The following APBA3 variants were observed in gnomAD, a reference collection of about 807,000 sequenced individuals.
APBA3 encodes the protein amyloid beta precursor protein binding family A member 3, also known as amyloid-beta A4 precursor protein-binding family A member 3.
A neutral mutation model predicts 55.9 loss-of-function variants in APBA3; 45 were observed. The observed-to-expected ratio is 0.80, with a 90% confidence interval of 0.63 to 1.03. APBA3 has a LOEUF of 1.03. APBA3 is among the 50% of genes least tolerant of loss of function. APBA3 has a pLI of 0.00. For synonymous variants in APBA3, 370 were observed against 353.3 expected (o/e 1.05, Z -0.53); for missense variants, 865 against 820.3 (o/e 1.05, Z -0.67).
rs373218431 is a variant in APBA3, at chr19:3,751,247, C to T, written c.1598G>A (p.Ser533Asn). ...GHRIIEINGQSVVATPHARII... is the reference protein window; with the variant it reads ...GHRIIEINGQNVVATPHARII... ...GCGGGCGTGTGGCGTGGCCACCACACTCTGCCCATTGATCTCAATGATGCG... is the reference window on the plus strand; with the variant it reads ...GCGGGCGTGTGGCGTGGCCACCACATTCTGCCCATTGATCTCAATGATGCG... Residue 533 changes from serine to asparagine, a missense_variant, in exon 10 of 11, where the codon AGT (serine) becomes AAT (asparagine). Ser to Asn is a conservative substitution (Grantham distance 46). Transcript: ENST00000316757. 2 of 1,547,402 alleles carry T rather than the reference C, an allele frequency of 1.3e-6. No homozygotes were observed. The highest frequency in any genetic ancestry group is 1.7e-6 in the Non-Finnish European group (2 of 1,148,124).
At chr19:3,756,917 A>G (rs2037085050) in intron 3 of APBA3, among the ~76,000 whole-genome samples, 1 of 152,148 alleles carries the variant, frequency 6.6e-6, no homozygotes, top group Non-Finnish European at 1.5e-5. Flanking sequence ...TGGTTCTAGA[A>G]TTCTCCAGTC....
At chr19:3,758,216 G>A (rs767302450) in intron 3 of APBA3, among the ~76,000 whole-genome samples, 1 of 152,002 alleles carries the variant, frequency 6.6e-6, no homozygotes, top group African/African-American at 2.4e-5. Flanking sequence ...TTATAGGCGT[G>A]AGCCACCGCG....
Position 3,755,566 on chromosome 19 carries a change from G to GA in APBA3, c.617-1227_617-1226insT, listed in dbSNP as rs1555743096. The GA allele has an allele frequency of 1.4e-5, 2 of 141,504 alleles. 1 individual carries two copies. The highest frequency in any genetic ancestry group is 5.1e-5 in the African/African-American group (2 of 39,002). The allele number at this position is 141,504 out of a possible 1,614,324, so 8.8% of individuals were successfully genotyped here. A position where few individuals can be genotyped will look rare whatever the true frequency, so the allele number is the denominator to read the frequency against. The stretch of plus-strand genomic sequence containing the variant: ...CCCAGCACTTTAGGAGGCCGGGGGG[G>GA]GGGGGTGGATCACCTGAGGTCAGGA... On this transcript the variant is annotated intron_variant, in intron 3 of 10. Transcript: ENST00000316757.
At chr19:3,759,398 GGCTGGCTC>G (rs2061166752) in intron 3 of APBA3, among the ~76,000 whole-genome samples, 155 bp downstream of exon 3, 3 of 152,174 alleles carry the variant, frequency 2.0e-5, no homozygotes, top group Admixed American at 2.0e-4. Flanking sequence ...CCGTTCTCAA[GGCTGGCTC>G]TCCTCTCCCT....
chr19:3,753,083 C>A (rs1257378070), intron 6 of APBA3, 93 bp from the exon 7 acceptor site: 199 of 1,443,024 alleles, frequency 1.4e-4, no homozygotes, highest in Non-Finnish European at 1.8e-4. Flanking sequence ...GCCCTCCTGT[C>A]CCCACCTGGG....
chr19:3,755,564 G>GGGGGT lies in APBA3; in HGVS notation c.617-1225_617-1224insACCCC, dbSNP rs1555743090. 17 of 135,454 alleles carry GGGGGT rather than the reference G, an allele frequency of 1.3e-4. 1 individual carries two copies. Among genetic ancestry groups the GGGGGT allele is most frequent in the African/African-American group, 5.1e-4 (17 of 33,658 alleles). 8.4% of individuals were successfully genotyped at this position (135,454 alleles called of 1,614,324 possible). On this transcript the variant is annotated intron_variant, in intron 3 of 10. Coordinates refer to ENST00000316757, the MANE Select transcript of APBA3 (RefSeq NM_004886.4). ...ACCCCAGCACTTTAGGAGGCCGGGG[G>GGGGGT]GGGGGGGTGGATCACCTGAGGTCAG...
Position 3,754,041 on chromosome 19 carries a change from T to C in APBA3, c.827A>G (p.Lys276Arg). The change falls in exon 5 of 11, where the codon AAG becomes AGG. Residue 276 changes from lysine to arginine, a missense_variant. Coordinates refer to ENST00000316757, the MANE Select transcript of APBA3 (RefSeq NM_004886.4). ...VDLFVSTKRI[K>R]VLTADSQEAM... Reference sequence around the variant, plus strand: ...TACCTGGGAGTCCGCTGTCAAGACCTTGATCCTCTTGGTGGAGACGAACAG... The same window carrying C: ...TACCTGGGAGTCCGCTGTCAAGACCCTGATCCTCTTGGTGGAGACGAACAG... 6.2e-7 allele frequency: 1 copy of C among 1,610,954 alleles called. No homozygotes were observed. The highest frequency in any genetic ancestry group is 8.5e-7 in the Non-Finnish European group (1 of 1,178,694).
chr19:3,760,051 C>A lies in APBA3; in HGVS notation c.214G>T (p.Val72Leu). 3.1e-6 allele frequency: 5 copies of A among 1,613,302 alleles called. No homozygotes were observed. In the South Asian group the frequency reaches 4.4e-5, roughly 14 times the overall value. The change falls in exon 2 of 11, where the codon GTG becomes TTG. Residue 72 changes from valine (V) to leucine (L), a missense_variant. Val to Leu is a conservative substitution (Grantham distance 32). Transcript: ENST00000316757. ...QQFEALPGDLVGPSPGGAPCP... is the reference protein window; with the variant it reads ...QQFEALPGDLLGPSPGGAPCP... ...GGGGCTCCACCTGGGGATGGGCCCA[C>A]CAGATCGCCTGGCAGAGCTTCAAAC...
At chr19:3,752,431 G>A (rs2145716688) in intron 8 of APBA3, 77 bp downstream of exon 8, 1 of 1,341,904 alleles carries the variant, frequency 7.5e-7, no homozygotes, top group African/African-American at 1.4e-5. Flanking sequence ...GGAGAGACCT[G>A]GCCAGGGAGG....
Position 3,760,128 on chromosome 19 carries a change from C to A in APBA3, c.137G>T (p.Ser46Ile). Residue 46 changes from serine (S) to isoleucine (I), a missense_variant, in exon 2 of 11, where the codon AGC becomes ATC. Transcript: ENST00000316757. ...QWDPMPGGPG[S>I]LSRMELDESS... Reference sequence around the variant, plus strand: ...CTCATCAAGTTCCATCCGACTGAGGCTGCCGGGGCCTCCTGGCATAGGGTC... The same window carrying A: ...CTCATCAAGTTCCATCCGACTGAGGATGCCGGGGCCTCCTGGCATAGGGTC... 1 of 1,613,476 alleles carries A rather than the reference C, an allele frequency of 6.2e-7. No homozygotes were observed. The highest frequency in any genetic ancestry group is 1.1e-5 in the South Asian group (1 of 91,086).
chr19:3,754,293 C>A lies in APBA3; in HGVS notation c.664G>T (p.Gly222Trp). 6.4e-7 allele frequency: 1 copy of A among 1,554,542 alleles called. No individual in the cohort carries two copies. The highest frequency in any genetic ancestry group is 8.7e-7 in the Non-Finnish European group (1 of 1,150,890). ...HEDLLDGVIFGARYLGSTQLV... is the reference protein window; with the variant it reads ...HEDLLDGVIFWARYLGSTQLV... ...TGGGTGGACCCCAGGTACCTGGCCC[C>A]AAATATGACACCGTCCAGGAGGTCT... Residue 222 changes from glycine to tryptophan, a missense_variant, in exon 4 of 11, where the codon GGG becomes TGG. Physicochemically the swap from Gly to Trp is radical, Grantham distance 184 (BLOSUM62 -2). Transcript: ENST00000316757.
At chr19:3,755,563 G>GGGC (rs1568394261) in intron 3 of APBA3, 1 of 109,174 alleles carries the variant, frequency 9.2e-6, no homozygotes, top group South Asian at 4.4e-4. Context: ...GGAGGCCGGG[G>GGGC]GGGGGGGGTG....
chr19:3,759,855 C>G lies in APBA3; in HGVS notation c.410G>C (p.Arg137Pro), dbSNP rs769019461. The change falls in exon 2 of 11, where the codon CGA becomes CCA. Residue 137 changes from arginine to proline, a missense_variant. Coordinates refer to ENST00000316757, the MANE Select transcript of APBA3 (RefSeq NM_004886.4). The part of the protein sequence containing the change: ...GPEEPLEPAP[R>P]LLQPPEDPDE... Reference sequence around the variant, plus strand: ...TGGGTCCTCAGGGGGCTGCAACAGTCGGGGGGCAGGCTCTAGAGGCTCTTC... The same window carrying G: ...TGGGTCCTCAGGGGGCTGCAACAGTGGGGGGGCAGGCTCTAGAGGCTCTTC... 20 of 1,612,426 alleles carry G rather than the reference C, an allele frequency of 1.2e-5. No individual in the cohort carries two copies. The highest frequency in any genetic ancestry group is 1.7e-4 in the Middle Eastern group (1 of 6,052).
In APBA3 at chr19:3,751,480, C is replaced by T. The variant is rs545628345; in HGVS notation, c.1469G>A (p.Arg490Gln). Residue 490 changes from arginine to glutamine, a missense_variant, in exon 9 of 11, where the codon CGG (arginine) becomes CAG (glutamine). By Grantham distance (43) the Arg-to-Gln change is conservative. Coordinates refer to ENST00000316757, the MANE Select transcript of APBA3 (RefSeq NM_004886.4). ...CPPVTTAIIHRPHAREQLGFC... is the reference protein window; with the variant it reads ...CPPVTTAIIHQPHAREQLGFC... ...GCCCAGCTGCTCGCGGGCGTGGGGC[C>T]GGTGGATGATGGCGGTGGTGACGGG... 2.7e-5 allele frequency: 43 copies of T among 1,570,482 alleles called. No individual in the cohort carries two copies. The highest frequency in any genetic ancestry group is 4.7e-5 in the East Asian group (2 of 42,594).
At chr19:3,759,118 A>C (rs1171636319) in intron 3 of APBA3, among the ~76,000 whole-genome samples, 1 of 152,078 alleles carries the variant, frequency 6.6e-6, no homozygotes, top group African/African-American at 2.4e-5. Flanking sequence ...AGTCTCAGCT[A>C]TTTGGGAAAC....
At position 3,753,738 on chromosome 19, in the gene APBA3, G is replaced by A. The variant is rs545573978; in HGVS notation, c.1011+27C>T. 282 of 1,481,996 alleles carry A rather than the reference G, an allele frequency of 1.9e-4. 8 individuals carry two copies. In the South Asian group the frequency reaches 3.3e-3, roughly 17 times the overall value. 91.8% of individuals were successfully genotyped at this position (1,481,996 alleles called of 1,614,324 possible). A position where few individuals can be genotyped will look rare whatever the true frequency, so the allele number is the denominator to read the frequency against. On this transcript the variant is annotated intron_variant, in intron 6 of 10. Transcript: ENST00000316757. ...AGTTGCAGTGAGGAGGGCCTCAGGA[G>A]GGTGGCCCCGCGCCCTGGCTGCTCA...
chr19:3,753,837 T>TGCCAGCCGCCGCCGC lies in APBA3; in HGVS notation c.924_938dup (p.Arg311_Arg315dup). On this transcript the variant is annotated inframe_insertion, in exon 6 of 11. Coordinates refer to ENST00000316757, the MANE Select transcript of APBA3 (RefSeq NM_004886.4). ...CGTGGTCCTGGGGTGCCGGCCTCCGTGCCAGCCGCCGCCGCGCCATCAGCA... is the reference window on the plus strand; with the variant it reads ...CGTGGTCCTGGGGTGCCGGCCTCCGTGCCAGCCGCCGCCGCGCCAGCCGCCGCCGCGCCATCAGCA... The TGCCAGCCGCCGCCGC allele has an allele frequency of 1.3e-6, 2 of 1,573,906 alleles. No individual in the cohort carries two copies. The highest frequency in any genetic ancestry group is 1.7e-6 in the Non-Finnish European group (2 of 1,161,630).
Position 3,760,076 on chromosome 19 carries a change from C to T in APBA3, c.189G>A (p.Gln63=). 6.2e-7 allele frequency: 1 copy of T among 1,613,386 alleles called. No homozygotes were observed. Among genetic ancestry groups the T allele is most frequent in the Non-Finnish European group, 8.5e-7 (1 of 1,180,034 alleles). ...CCAGATCGCCTGGCAGAGCTTCAAACTGCTGCACCAGCTCCTGAAGGCTTG... is the reference window on the plus strand; with the variant it reads ...CCAGATCGCCTGGCAGAGCTTCAAATTGCTGCACCAGCTCCTGAAGGCTTG... ...DESSLQELVQ[Q]FEALPGDLVG... The change falls in exon 2 of 11, where the codon CAG becomes CAA. Residue 63 remains glutamine, a synonymous_variant. Coordinates refer to ENST00000316757, the MANE Select transcript of APBA3 (RefSeq NM_004886.4).
chr19:3,753,422 C>A (rs988454624), intron 6 of APBA3: 2 of 349,416 alleles, frequency 5.7e-6, no homozygotes, highest in Non-Finnish European at 1.0e-5. Flanking sequence ...GTGGGTGGAT[C>A]GCTTGAGCCC....
Sources: allele counts gnomAD v4.1 joint callset (sites outside exome capture counted in the v4.1 genomes callset), GRCh38; gene constraint gnomAD v4.1.1; transcripts MANE v1.5; gene names NCBI Gene and HGNC (gene_info 2026-07-23, HGNC 2026-07-21).